The following EZR variants were observed in gnomAD, a reference collection of about 807,000 sequenced individuals.
EZR encodes ezrin.
EZR carries 40 observed loss-of-function variants against 74.8 expected under a neutral mutation model. That is an observed-to-expected ratio of 0.53 (90% CI 0.42 to 0.70). EZR has a LOEUF of 0.70. Among genes scored for constraint, EZR ranks in the 30% least tolerant of loss-of-function variants. The pLI, the probability that EZR is intolerant of heterozygous loss-of-function variation, is 0.00. For synonymous variants in EZR, 341 were observed against 283.3 expected (o/e 1.20, Z -2.05); for missense variants, 678 against 755.8 (o/e 0.90, Z 1.21).
intron 2 of EZR, among the ~76,000 whole-genome samples, chr6:158,805,573 A>G (rs1306731883): frequency 6.6e-6 from 1 of 152,184 alleles, no homozygotes; most frequent in African/African-American, 2.4e-5. Context: ...ATGTGTCAAA[A>G]ATTAGCAAGA....
chr6:158,781,773 A>AT (rs1345185883), intron 7 of EZR, among the ~76,000 whole-genome samples: 3 of 151,150 alleles, frequency 2.0e-5, no homozygotes, highest in Admixed American at 6.6e-5. Context: ...CTTCTTTAAA[A>AT]TTTTTTTTGA....
At chr6:158,816,872 G>C (rs966733463) in intron 2 of EZR, among the ~76,000 whole-genome samples, 2 of 152,110 alleles carry the variant, frequency 1.3e-5, no homozygotes, top group African/African-American at 4.8e-5. Flanking sequence ...GATCACCTGA[G>C]GTCAGGAGTT....
chr6:158,784,495 C>T, intron 6 of EZR, 149 bp downstream of exon 6: 1 of 650,864 alleles, frequency 1.5e-6, no homozygotes, highest in East Asian at 2.9e-5. Context: ...AACCTCTTCC[C>T]TAAGAAAACC....
chr6:158,766,643 G>C lies in EZR; in HGVS notation c.*271C>G. 1 of 403,470 alleles carries C rather than the reference G, an allele frequency of 2.5e-6. No individual in the cohort carries two copies. Among genetic ancestry groups the C allele is most frequent in the Non-Finnish European group, 4.4e-6 (1 of 226,506 alleles). 25.0% of individuals were successfully genotyped at this position (403,470 alleles called of 1,614,324 possible). On this transcript the variant is annotated 3_prime_UTR_variant, in exon 14 of 14. Transcript: ENST00000367075. ...TACTCAGACTTTACAGGCATTTTCC[G>C]TAATTCAATCAGTCCTGCTCCCAGC...
chr6:158,789,528 G>A (rs759417598), intron 2 of EZR, 157 bp from the exon 3 acceptor site: 2 of 773,950 alleles, frequency 2.6e-6, no homozygotes, highest in Non-Finnish European at 4.7e-6. Flanking sequence ...ACTCCTGACT[G>A]CAGATGGCTG....
intron 2 of EZR, among the ~76,000 whole-genome samples, chr6:158,806,276 C>T (rs6910471): frequency 0.24 from 36,677 of 152,096 alleles, 5,680 homozygotes; most frequent in African/African-American, 0.44. Context: ...CTGAGATCCT[C>T]CCACCTCAAC....
chr6:158,793,585 T>C (rs1360974374), intron 2 of EZR, among the ~76,000 whole-genome samples: 1 of 152,090 alleles, frequency 6.6e-6, no homozygotes, highest in Non-Finnish European at 1.5e-5. Context: ...CCACTGGGGG[T>C]GCTCTTGTCA....
chr6:158,776,265 C>G, intron 8 of EZR, 143 bp downstream of exon 8: 1 of 710,678 alleles, frequency 1.4e-6, no homozygotes, highest in Admixed American at 2.4e-5. Context: ...ATTGCCTGGC[C>G]CACAGGATCT....
intron 9 of EZR, 140 bp downstream of exon 9, chr6:158,771,104 C>A: frequency 7.3e-7 from 1 of 1,369,470 alleles, no homozygotes; most frequent in Non-Finnish European, 9.8e-7. Context: ...AGACAAAGGC[C>A]TCGAAGATCC....
chr6:158,808,066 T>C (rs1777380680), intron 2 of EZR, among the ~76,000 whole-genome samples: 1 of 152,238 alleles, frequency 6.6e-6, no homozygotes, highest in South Asian at 2.1e-4. Context: ...GGTGCTCTAT[T>C]TGTTGAATGA....
At chr6:158,786,461 C>T (rs1791584790) in intron 4 of EZR, among the ~76,000 whole-genome samples, 1 of 152,212 alleles carries the variant, frequency 6.6e-6, no homozygotes, top group Admixed American at 6.5e-5. Context: ...AAGCCCCAGT[C>T]CTCATGGGAT....
rs1255549881 is a variant in EZR, at chr6:158,767,449, G to A, written c.1408C>T (p.Pro470Ser). 15 of 1,612,612 alleles carry A rather than the reference G, an allele frequency of 9.3e-6. No homozygotes were observed. Among genetic ancestry groups the A allele is most frequent in the African/African-American group, 1.3e-5 (1 of 74,918 alleles). The change falls in exon 13 of 14, where the codon CCC becomes TCC. Residue 470 changes from proline to serine, a missense_variant. This residue lies in a region of EZR where 342 missense variants were observed against 341.2 expected (regional missense o/e 1.00). Coordinates refer to ENST00000367075, the MANE Select transcript of EZR (RefSeq NM_001111077.2). ...KEELHLVMTA[P>S]PPPPPPVYEP... is the part of the protein sequence containing the mutation. ...TACACGGGGGGTGGTGGGGGCGGGG[G>A]TGCTGTCATCACCAGGTGCAGCTCC...
At chr6:158,818,267 G>T (rs948886332) in intron 1 of EZR, 101 bp from the exon 2 acceptor site, 2 of 510,256 alleles carry the variant, frequency 3.9e-6, no homozygotes, top group South Asian at 3.3e-5. Flanking sequence ...CTTAAGAACC[G>T]GCCAGCCCGG....
chr6:158,814,340 A>ATTTCCCCATCAGATGATTTTCC (rs2128577642), intron 2 of EZR, among the ~76,000 whole-genome samples: 1 of 152,088 alleles, frequency 6.6e-6, no homozygotes, highest in South Asian at 2.1e-4. Context: ...CAGTCTGCCA[A>ATTTCCCCATCAGATGATTTTCC]TTTCCCCATC....
intron 2 of EZR, among the ~76,000 whole-genome samples, chr6:158,790,417 G>A (rs1386514769): frequency 2.0e-5 from 3 of 152,240 alleles, no homozygotes; most frequent in African/African-American, 7.2e-5. Context: ...TCACACACCT[G>A]TAATCCCAGC....
Position 158,778,519 on chromosome 6 carries a change from A to T in EZR, c.699-2015T>A, listed in dbSNP as rs564914632. On this transcript the variant is annotated intron_variant, in intron 7 of 13. Transcript: ENST00000367075. ...AAAGCCCAAGGATTTCCTTTTTCCTAAGAGATCACATATAGGACATGAACA... is the reference window on the plus strand; with the variant it reads ...AAAGCCCAAGGATTTCCTTTTTCCTTAGAGATCACATATAGGACATGAACA... Among the ~76,000 whole-genome samples, 4 of 152,330 alleles carry T rather than the reference A, an allele frequency of 2.6e-5. No individual in the cohort carries two copies. In the East Asian group the frequency reaches 5.8e-4, roughly 22 times the overall value.
At chr6:158,778,162 A>T (rs114176116) in intron 7 of EZR, among the ~76,000 whole-genome samples, 2 of 152,180 alleles carry the variant, frequency 1.3e-5, no homozygotes, top group African/African-American at 4.8e-5. Flanking sequence ...CCAACAGAGA[A>T]GCTAGGATCC....
At chr6:158,802,416 G>A (rs1246358270) in intron 2 of EZR, among the ~76,000 whole-genome samples, 2 of 143,254 alleles carry the variant, frequency 1.4e-5, no homozygotes, top group Non-Finnish European at 3.1e-5. Flanking sequence ...ATGATTTTTT[G>A]ATGCGTTGTT....
At chr6:158,787,709 AG>A (rs953816035) in intron 3 of EZR, among the ~76,000 whole-genome samples, 3 of 152,244 alleles carry the variant, frequency 2.0e-5, no homozygotes, top group Non-Finnish European at 2.9e-5. Flanking sequence ...TACTAGGAAC[AG>A]GGACAAAGAA....
Sources: allele counts gnomAD v4.1 joint callset (sites outside exome capture counted in the v4.1 genomes callset), GRCh38; gene constraint gnomAD v4.1.1; regional missense constraint gnomAD v4.1.1; transcripts MANE v1.5; gene names NCBI Gene and HGNC (gene_info 2026-07-23, HGNC 2026-07-21).